The following SMCO2 variants were observed in gnomAD, a reference collection of about 807,000 sequenced individuals.
SMCO2 encodes the protein single-pass membrane protein with coiled-coil domains 2.
In SMCO2, 25 loss-of-function variants were observed where a neutral mutation model predicts 29.5. The observed-to-expected ratio is 0.85, with a 90% CI of 0.62 to 1.18. SMCO2 has a LOEUF of 1.18. SMCO2 is among the 50% of genes most tolerant of loss of function. SMCO2 has a pLI of 0.00. For synonymous variants in SMCO2, 117 were observed against 123.3 expected (o/e 0.95, Z 0.34); for missense variants, 348 against 344.5 (o/e 1.01, Z -0.08).
the SMCO2 span, among the ~76,000 whole-genome samples, chr12:27,431,003 G>GA: frequency 9.2e-5 from 14 of 151,596 alleles, 1 homozygote; most frequent in Middle Eastern, 3.4e-3. Flanking sequence ...ATTTAGTTAT[G>GA]AAAAAACACA....
chr12:27,451,104 A>G, the SMCO2 span, among the ~76,000 whole-genome samples: 1 of 152,254 alleles, frequency 6.6e-6, no homozygotes, highest in Non-Finnish European at 1.5e-5. Flanking sequence ...ACTACTACAG[A>G]TAGTTATTAT....
chr12:27,498,968 GGAACCCTC>G (rs2135582575), intron 7 of SMCO2, among the ~76,000 whole-genome samples: 1 of 150,740 alleles, frequency 6.6e-6, no homozygotes, highest in East Asian at 1.9e-4. Flanking sequence ...TGGAGAAATT[GGAACCCTC>G]GTATATCACT....
chr12:27,423,324 CTTTTTTTTTTTTTTTTT>C, the SMCO2 span: 1 of 85,920 alleles, frequency 1.2e-5, no homozygotes, highest in South Asian at 4.1e-4. Flanking sequence ...CTTTTCTTTT[CTTTTTTTTTTTTTTTTT>C]TTTTTTGAGA....
chr12:27,498,668 A>G (rs983109649), intron 7 of SMCO2: 1 of 152,524 alleles, frequency 6.6e-6, no homozygotes, highest in African/African-American at 2.5e-5. Flanking sequence ...TTAAATAACC[A>G]TTATATTAAC....
intron 7 of SMCO2, among the ~76,000 whole-genome samples, chr12:27,498,949 G>A (rs1943044414): frequency 6.6e-6 from 1 of 150,636 alleles, no homozygotes; most frequent in Non-Finnish European, 1.5e-5. Flanking sequence ...ACTAGCATTG[G>A]AGAGGATGTG....
At chr12:27,485,689 G>A (rs1021117838) in intron 4 of SMCO2, among the ~76,000 whole-genome samples, 3 of 151,814 alleles carry the variant, frequency 2.0e-5, no homozygotes, top group Non-Finnish European at 4.4e-5. Context: ...TCAGGCAATC[G>A]GCCCACCTCA....
chr12:27,451,909 G>A, the SMCO2 span, among the ~76,000 whole-genome samples: 1 of 152,182 alleles, frequency 6.6e-6, no homozygotes, highest in Non-Finnish European at 1.5e-5. Flanking sequence ...TCTTCCTGAA[G>A]TGAAATCCAT....
At chr12:27,465,010 C>T (rs1431515992), upstream of SMCO2, among the ~76,000 whole-genome samples, 1 of 110,008 alleles carries the variant, frequency 9.1e-6, no homozygotes, top group African/African-American at 3.6e-5. Context: ...GCCTGAGCAA[C>T]AGAGGGAGAC....
chr12:27,475,806 G>C, intron 4 of SMCO2, 75 bp downstream of exon 5: 1 of 1,326,908 alleles, frequency 7.5e-7, no homozygotes, highest in Non-Finnish European at 9.8e-7. Flanking sequence ...GAAACTTTGG[G>C]CTTAAGATGA....
chr12:27,472,646 A>T (rs1423031735), intron 2 of SMCO2, 130 bp from the exon 3 acceptor site: 1 of 592,742 alleles, frequency 1.7e-6, no homozygotes, highest in Non-Finnish European at 2.9e-6. Flanking sequence ...AGAACTCAGT[A>T]CAAGGATAGC....
At chr12:27,475,513 A>G in intron 4 of SMCO2, 69 bp from the exon 5 acceptor site, 2 of 1,451,920 alleles carry the variant, frequency 1.4e-6, no homozygotes, top group South Asian at 3.0e-5. Context: ...TCAAAGGAAG[A>G]GCATTTCAGG....
rs1159740089 is a variant in SMCO2 at position 27,468,492 on chromosome 12, G to A, written c.-11+1517G>A. Reference sequence around the variant, plus strand: ...GCCTGCTGGCCATAGTTTGATGACCGTTGCTCTAGAAAATTCTGAGTTGTC... The same window carrying A: ...GCCTGCTGGCCATAGTTTGATGACCATTGCTCTAGAAAATTCTGAGTTGTC... On this transcript the variant is annotated intron_variant, in intron 1 of 7. Coordinates refer to ENST00000298876, the Ensembl canonical transcript of SMCO2. 3.3e-5 allele frequency among the ~76,000 whole-genome samples: 5 copies of A among 152,232 alleles called. No individual in the cohort carries two copies. In the South Asian group the frequency reaches 6.2e-4, roughly 19 times the overall value.
At chr12:27,459,377 A>C in the SMCO2 span, among the ~76,000 whole-genome samples, 1 of 152,086 alleles carries the variant, frequency 6.6e-6, no homozygotes, top group African/African-American at 2.4e-5. Flanking sequence ...AGAAACAGAA[A>C]ACCAAATGCC....
intron 7 of SMCO2, 107 bp downstream of exon 8, chr12:27,495,962 T>G: frequency 8.6e-7 from 1 of 1,158,940 alleles, no homozygotes; most frequent in Non-Finnish European, 1.1e-6. Flanking sequence ...TTTGTTTTAT[T>G]TTCGTTTGTA....
Position 27,490,749 on chromosome 12 carries a change from GC to G in SMCO2, c.450+2203del, listed in dbSNP as rs1277387097. On this transcript the variant is annotated intron_variant, in intron 5 of 7. Coordinates refer to ENST00000298876, the Ensembl canonical transcript of SMCO2. The stretch of plus-strand genomic sequence containing the variant: ...GTTTGAGACCAGCCACGGCAACATA[GC>G]GAGACCCCTATCTCTACAAAAAATT... Among the ~76,000 whole-genome samples the G allele has an allele frequency of 9.2e-5, 14 of 152,220 alleles. 1 individual carries two copies. In the South Asian group the frequency reaches 1.2e-3, roughly 14 times the overall value.
At chr12:27,489,972 G>A (rs1949721665) in intron 5 of SMCO2, among the ~76,000 whole-genome samples, 1 of 152,148 alleles carries the variant, frequency 6.6e-6, no homozygotes, top group Non-Finnish European at 1.5e-5. Context: ...TTTTTTAAAG[G>A]GAGGAGTTTG....
chr12:27,483,553 G>A (rs1949663387), intron 4 of SMCO2, among the ~76,000 whole-genome samples: 1 of 151,864 alleles, frequency 6.6e-6, no homozygotes, highest in East Asian at 1.9e-4. Context: ...TGAGTAGCTG[G>A]GACCACAGGT....
chr12:27,426,695 T>G, the SMCO2 span, among the ~76,000 whole-genome samples: 1 of 152,188 alleles, frequency 6.6e-6, no homozygotes, highest in Non-Finnish European at 1.5e-5. Context: ...CCTGAGACTA[T>G]ATAGCAAACA....
chr12:27,423,954 T>A, the SMCO2 span: 1 of 152,172 alleles, frequency 6.6e-6, no homozygotes, highest in African/African-American at 2.4e-5. Context: ...AGATGTGCTA[T>A]CAATGTAAGA....
Sources: gnomAD v4.1 joint callset for allele counts (sites outside exome capture counted in the v4.1 genomes callset) on GRCh38, gnomAD v4.1.1 for gene constraint, MANE v1.5 for transcripts, NCBI Gene and HGNC (gene_info 2026-07-23, HGNC 2026-07-21) for gene names.